NEMP2: variants seen among roughly 807,000 people sequenced by gnomAD.
The protein encoded by NEMP2 is nuclear envelope integral membrane protein 2.
A neutral mutation model predicts 54.2 loss-of-function variants in NEMP2; 53 were observed. That is an observed-to-expected ratio of 0.98 (90% CI 0.78 to 1.23). The LOEUF (loss-of-function observed/expected upper bound fraction) is 1.23. NEMP2 is among the 50% of genes most tolerant of loss of function. The pLI is 0.00. For synonymous variants in NEMP2, 197 were observed against 190.3 expected, an observed-to-expected ratio of 1.04 and a Z score of -0.29; for missense variants, 455 against 511.3, an observed-to-expected ratio of 0.89 and a Z score of 1.06.
At chr2:190,566,682 AGAAG>A in the NEMP2 span, among the ~76,000 whole-genome samples, 3 of 149,344 alleles carry the variant, frequency 2.0e-5, no homozygotes, top group Admixed American at 6.7e-5. Context: ...AAGGGGAGGA[AGAAG>A]GAAGGAAGGA....
At chr2:190,645,225 AGAGTT>A in the NEMP2 span, among the ~76,000 whole-genome samples, 1 of 152,246 alleles carries the variant, frequency 6.6e-6, no homozygotes, top group Non-Finnish European at 1.5e-5. Flanking sequence ...TGCAAGAGAT[AGAGTT>A]AAGAATAAAC....
the NEMP2 span, chr2:190,436,808 C>A: frequency 6.2e-7 from 1 of 1,614,202 alleles, no homozygotes; most frequent in Non-Finnish European, 8.5e-7. This position sits in a 1 kb window ranked among gnomAD's most constrained non-coding sequence, Gnocchi z 5.3. Context: ...AAGGAGACAA[C>A]CACTGTTATT....
At chr2:190,517,907 A>G (rs987991856) in intron 4 of NEMP2, among the ~76,000 whole-genome samples, 1 of 152,210 alleles carries the variant, frequency 6.6e-6, no homozygotes, top group African/African-American at 2.4e-5. Context: ...AGGTTTTAGA[A>G]AGGAGAAAAT....
the NEMP2 span, among the ~76,000 whole-genome samples, chr2:190,489,555 C>G: frequency 6.6e-6 from 1 of 152,174 alleles, no homozygotes; most frequent in African/African-American, 2.4e-5. This position sits in a 1 kb window ranked among gnomAD's most constrained non-coding sequence, Gnocchi z 6.6. Flanking sequence ...GTTTTATAAT[C>G]GATCAATGAC....
chr2:190,535,088 C>G (rs1425561125), upstream of NEMP2: 1 of 157,336 alleles, frequency 6.4e-6, no homozygotes, highest in Non-Finnish European at 1.4e-5. Flanking sequence ...GACCTGTGAC[C>G]TGCGGATTTG....
chr2:190,593,512 G>C, the NEMP2 span, among the ~76,000 whole-genome samples: 1 of 152,168 alleles, frequency 6.6e-6, no homozygotes, highest in Non-Finnish European at 1.5e-5. This position sits in a 1 kb window ranked among gnomAD's most constrained non-coding sequence, Gnocchi z 4.5. Context: ...TCTTGTGGTT[G>C]TGTCCCTCAG....
At chr2:190,598,845 G>A in the NEMP2 span, among the ~76,000 whole-genome samples, 398 of 152,280 alleles carry the variant, frequency 2.6e-3, 12 homozygotes, top group East Asian at 0.065. Context: ...TATCTTGAGT[G>A]ACTAACGTTA....
chr2:190,425,998 T>A, the NEMP2 span, among the ~76,000 whole-genome samples: 1 of 152,192 alleles, frequency 6.6e-6, no homozygotes, highest in Non-Finnish European at 1.5e-5. The surrounding 1 kb of genome is among the most constrained non-coding windows in gnomAD (Gnocchi z 4.3). Flanking sequence ...TTGCCTTTAG[T>A]TTTTAGAAGT....
the NEMP2 span, among the ~76,000 whole-genome samples, chr2:190,636,163 C>T: frequency 6.6e-6 from 1 of 152,178 alleles, no homozygotes; most frequent in Admixed American, 6.5e-5. Context: ...TGTTCTTAAT[C>T]CTAGCCAACA....
chr2:190,643,784 G>C, the NEMP2 span, among the ~76,000 whole-genome samples: 14 of 152,210 alleles, frequency 9.2e-5, no homozygotes, highest in African/African-American at 3.4e-4. Context: ...AAAATTAGCC[G>C]GGCATGGTGG....
At chr2:190,578,227 A>C in the NEMP2 span, among the ~76,000 whole-genome samples, 1 of 152,246 alleles carries the variant, frequency 6.6e-6, no homozygotes, top group Non-Finnish European at 1.5e-5. The surrounding 1 kb of genome is among the most constrained non-coding windows in gnomAD (Gnocchi z 4.4). Flanking sequence ...TAGAGGAAAG[A>C]AGAAATGATG....
At chr2:190,489,720 A>C in the NEMP2 span, 1 of 1,536,960 alleles carries the variant, frequency 6.5e-7, no homozygotes, top group South Asian at 1.2e-5. The surrounding 1 kb of genome is among the most constrained non-coding windows in gnomAD (Gnocchi z 6.6). Flanking sequence ...GATGAGCGCT[A>C]TCTGCATTTC....
chr2:190,452,083 T>C, the NEMP2 span, among the ~76,000 whole-genome samples: 17 of 152,172 alleles, frequency 1.1e-4, no homozygotes, highest in Non-Finnish European at 1.6e-4. Context: ...TTTTTGTTTT[T>C]TTTTTCAGCA....
At chr2:190,568,973 GAAAA>G in the NEMP2 span, among the ~76,000 whole-genome samples, 2 of 150,762 alleles carry the variant, frequency 1.3e-5, no homozygotes, top group African/African-American at 4.9e-5. The surrounding 1 kb of genome is among the most constrained non-coding windows in gnomAD (Gnocchi z 4.7). Flanking sequence ...ATCTGGAACT[GAAAA>G]AAAAATCAAG....
chr2:190,558,310 C>T, the NEMP2 span, among the ~76,000 whole-genome samples: 5 of 151,662 alleles, frequency 3.3e-5, no homozygotes, highest in Non-Finnish European at 7.4e-5. The surrounding 1 kb of genome is among the most constrained non-coding windows in gnomAD (Gnocchi z 4.4). Flanking sequence ...TATCACCCAC[C>T]GGGGCCTGTT....
In NEMP2 at chr2:190,525,544, CAG is replaced by C. The variant is rs1389935269; in HGVS notation, c.98-168_98-167del. ...TCAGTGTTTCCAACCAAGGAGGAGA[CAG>C]ATAGAAAATACGATAGCCCAAGTGT... On this transcript the variant is annotated intron_variant, in intron 1 of 8. Coordinates refer to ENST00000409150, the MANE Select transcript of NEMP2 (RefSeq NM_001142645.2). The surrounding 1 kb of genome is among the most constrained non-coding windows in gnomAD (Gnocchi z 5.0). Among the ~76,000 whole-genome samples the C allele has an allele frequency of 1.3e-5, 2 of 152,130 alleles. No individual in the cohort carries two copies. The highest frequency in any genetic ancestry group is 4.1e-4 in the South Asian group (2 of 4,820).
chr2:190,493,288 T>A, the NEMP2 span, among the ~76,000 whole-genome samples: 1 of 151,434 alleles, frequency 6.6e-6, no homozygotes, highest in Non-Finnish European at 1.5e-5. Flanking sequence ...AGACAAAGGG[T>A]GACATTATAT....
the NEMP2 span, among the ~76,000 whole-genome samples, chr2:190,555,638 C>G: frequency 6.6e-6 from 1 of 151,756 alleles, no homozygotes; most frequent in African/African-American, 2.4e-5. The surrounding 1 kb of genome is among the most constrained non-coding windows in gnomAD (Gnocchi z 4.8). Flanking sequence ...TGAAAAGGAA[C>G]AAACAAAGCC....
chr2:190,536,908 A>T (rs80047356), upstream of NEMP2, among the ~76,000 whole-genome samples: 1 of 152,248 alleles, frequency 6.6e-6, no homozygotes. Flanking sequence ...CAGAAGAGGC[A>T]TGTTTATTTC....
Sources: allele counts gnomAD v4.1 joint callset (sites outside exome capture counted in the v4.1 genomes callset), GRCh38; gene constraint gnomAD v4.1.1; non-coding constraint Gnocchi (gnomAD v3.1); transcripts MANE v1.5; gene names NCBI Gene and HGNC (gene_info 2026-07-23, HGNC 2026-07-21).